FAP: variants seen among roughly 807,000 people sequenced by gnomAD.
The protein encoded by FAP is prolyl endopeptidase FAP.
In FAP, 110 loss-of-function variants were observed where a neutral mutation model predicts 126.5. The observed-to-expected ratio is 0.87, with a 90% CI of 0.74 to 1.02. The LOEUF (loss-of-function observed/expected upper bound fraction) is 1.02, where lower values mean the gene tolerates loss of function less well. Among genes scored for constraint, FAP ranks in the 50% least tolerant of loss-of-function variants. The pLI, the probability that FAP is intolerant of heterozygous loss-of-function variation, is 0.00. For missense variants in FAP, 919 were observed against 909.2 expected (o/e 1.01, Z -0.14); for synonymous variants, 334 against 297.3 (o/e 1.12, Z -1.27).
chr2:162,179,812 A>ATATATATAT (rs1491388012), intron 21 of FAP, among the ~76,000 whole-genome samples: 3 of 90,522 alleles, frequency 3.3e-5, no homozygotes, highest in Non-Finnish European at 7.6e-5. Context: ...ATATATATAT[A>ATATATATAT]TTTTTTTTTT....
chr2:162,188,387 A>G, intron 19 of FAP, 24 bp from the exon 20 acceptor site: 1 of 1,600,246 alleles, frequency 6.2e-7, no homozygotes, highest in South Asian at 1.1e-5. Flanking sequence ...AAAAAAAACA[A>G]GAATCTTTGA....
In FAP at chr2:162,203,189, C is replaced by T. The variant is rs376057187; in HGVS notation, c.1048-44G>A. ...GGTTATGTTCAAAAGACAAACCAAACTAAAACCATAGATTTTGTTTTAATA... is the reference window on the plus strand; with the variant it reads ...GGTTATGTTCAAAAGACAAACCAAATTAAAACCATAGATTTTGTTTTAATA... On this transcript the variant is annotated intron_variant, in intron 12 of 25. Coordinates refer to ENST00000188790, the MANE Select transcript of FAP (RefSeq NM_004460.5). The T allele has an allele frequency of 4.8e-4, 626 of 1,309,350 alleles. 1 individual carries two copies. In the Middle Eastern group the frequency reaches 7.8e-3, roughly 16 times the overall value. 81.1% of individuals were successfully genotyped at this position (1,309,350 alleles called of 1,614,324 possible). A position where few individuals can be genotyped will look rare whatever the true frequency, so the allele number is the denominator to read the frequency against.
At chr2:162,241,637 C>T (rs1291109920) in intron 2 of FAP, among the ~76,000 whole-genome samples, 1 of 152,142 alleles carries the variant, frequency 6.6e-6, no homozygotes. Context: ...TTCAAAGGAT[C>T]TATATGACCT....
At position 162,212,732 on chromosome 2, in the gene FAP, A is replaced by G. The variant is rs1442472247; in HGVS notation, c.1002+1206T>C. 5.3e-5 allele frequency among the ~76,000 whole-genome samples: 8 copies of G among 152,126 alleles called. No individual in the cohort carries two copies. In the East Asian group the frequency reaches 1.5e-3, roughly 29 times the overall value. On this transcript the variant is annotated intron_variant, in intron 11 of 25. Transcript: ENST00000188790. ...ATATGATTATTCTATATTTGTTTTAATGAAACATTTCTTCATAATTAGAAG... is the reference window on the plus strand; with the variant it reads ...ATATGATTATTCTATATTTGTTTTAGTGAAACATTTCTTCATAATTAGAAG...
At chr2:162,207,395 G>GATTA (rs1276002280) in intron 12 of FAP, among the ~76,000 whole-genome samples, 1 of 152,174 alleles carries the variant, frequency 6.6e-6, no homozygotes, top group Non-Finnish European at 1.5e-5. Context: ...AAGAGATTGA[G>GATTA]ATTAGTACAT....
intron 11 of FAP, among the ~76,000 whole-genome samples, chr2:162,210,934 A>C (rs1003720719): frequency 6.6e-6 from 1 of 152,204 alleles, no homozygotes; most frequent in Non-Finnish European, 1.5e-5. Context: ...TATACCAAAA[A>C]GCTCTGGTAT....
chr2:162,178,905 C>T (rs1246444749), intron 21 of FAP, among the ~76,000 whole-genome samples: 1 of 152,126 alleles, frequency 6.6e-6, no homozygotes, highest in Non-Finnish European at 1.5e-5. Context: ...TCCAATTTCC[C>T]ACAGGTCCCT....
chr2:162,227,090 C>G (rs1576191717), intron 2 of FAP, among the ~76,000 whole-genome samples: 1 of 152,108 alleles, frequency 6.6e-6, no homozygotes, highest in East Asian at 1.9e-4. Context: ...CAGATTTCAA[C>G]TGATTTATCA....
intron 17 of FAP, chr2:162,194,199 C>A (rs890258236): frequency 6.6e-6 from 1 of 152,154 alleles, no homozygotes; most frequent in Non-Finnish European, 1.5e-5. Flanking sequence ...ACAAAAAAAG[C>A]TGGTGTGACA....
In FAP at chr2:162,223,599, G is replaced by A. The variant is rs1689503594; in HGVS notation, c.413+9C>T. ...ATTTAAGTAGTATTAATAAACAGAG[G>A]TGATTTACCCATTGCTAAGGTCATA... On this transcript the variant is annotated intron_variant, in intron 6 of 25. Transcript: ENST00000188790. 1 of 1,535,936 alleles carries A rather than the reference G, an allele frequency of 6.5e-7. No homozygotes were observed. The highest frequency in any genetic ancestry group is 9.0e-7 in the Non-Finnish European group (1 of 1,109,488).
At chr2:162,177,644 C>G (rs555536448) in intron 21 of FAP, among the ~76,000 whole-genome samples, 7 of 152,230 alleles carry the variant, frequency 4.6e-5, no homozygotes, top group African/African-American at 1.7e-4. Flanking sequence ...TGCACCATTC[C>G]TCTTTCTTGT....
chr2:162,211,217 C>G (rs1045008754), intron 11 of FAP, among the ~76,000 whole-genome samples: 1 of 152,092 alleles, frequency 6.6e-6, no homozygotes, highest in Non-Finnish European at 1.5e-5. Context: ...CAGGTTTGAC[C>G]AACTTTGGAA....
intron 12 of FAP, among the ~76,000 whole-genome samples, chr2:162,205,744 C>T (rs1559777688): frequency 1.3e-5 from 2 of 152,240 alleles, no homozygotes; most frequent in East Asian, 3.9e-4. Flanking sequence ...AACTCCTGAC[C>T]TCAGGTGATC....
chr2:162,230,902 G>C (rs1377255231), intron 2 of FAP, among the ~76,000 whole-genome samples: 1 of 152,084 alleles, frequency 6.6e-6, no homozygotes, highest in Non-Finnish European at 1.5e-5. Context: ...ATCATTCCTT[G>C]ACTACAAACT....
chr2:162,197,944 C>T (rs535351789), intron 16 of FAP, among the ~76,000 whole-genome samples: 22 of 152,264 alleles, frequency 1.4e-4, no homozygotes, highest in African/African-American at 5.3e-4. Flanking sequence ...AGTCAGTTTT[C>T]CAAATCTCCA....
Position 162,214,083 on chromosome 2 carries a change from A to T in FAP, c.867-10T>A, listed in dbSNP as rs1485290834. 1.2e-6 allele frequency: 2 copies of T among 1,612,792 alleles called. No individual in the cohort carries two copies. The highest frequency in any genetic ancestry group is 2.7e-5 in the African/African-American group (2 of 74,900). On this transcript the variant is annotated splice_polypyrimidine_tract_variant and intron_variant, in intron 10 of 25. Transcript: ENST00000188790. ...ACTGAAATAATAATCACTGCAAATA[A>T]AATAGAAACAGGTAGTCACAACCAT...
chr2:162,184,078 G>C (rs1169177152), intron 20 of FAP, among the ~76,000 whole-genome samples: 1 of 152,102 alleles, frequency 6.6e-6, no homozygotes, highest in African/African-American at 2.4e-5. Flanking sequence ...TTAGGAGCAA[G>C]GGGCTACACT....
intron 25 of FAP, 199 bp downstream of exon 25, chr2:162,172,612 C>G (rs556796433): frequency 3.8e-6 from 2 of 532,486 alleles, no homozygotes; most frequent in Non-Finnish European, 6.7e-6. Flanking sequence ...ACTGGGAACA[C>G]GAGAGGTGAT....
intron 6 of FAP, 105 bp from the exon 7 acceptor site, chr2:162,220,030 T>A: frequency 1.3e-6 from 1 of 781,140 alleles, no homozygotes; most frequent in Non-Finnish European, 2.1e-6. Flanking sequence ...AAATTAAGGA[T>A]CATTCCCTCT....
Sources: allele counts gnomAD v4.1 joint callset (sites outside exome capture counted in the v4.1 genomes callset), GRCh38; gene constraint gnomAD v4.1.1; transcripts MANE v1.5; gene names NCBI Gene and HGNC (gene_info 2026-07-23, HGNC 2026-07-21).